PPP2R2C: variants seen among roughly 807,000 people sequenced by gnomAD.
PPP2R2C encodes the protein protein phosphatase 2 regulatory subunit Bgamma, also known as protein phosphatase 2, regulatory subunit B, gamma.
In PPP2R2C, 10 loss-of-function variants were observed where a neutral mutation model predicts 45.3. The ratio of observed to expected loss-of-function variants is 0.22; its 90% CI spans 0.14 to 0.37. The LOEUF is 0.37. Ranked by LOEUF, PPP2R2C falls within the 10% of genes least tolerant of loss-of-function variation. The pLI, the probability that PPP2R2C is intolerant of heterozygous loss-of-function variation, is 1.00. For synonymous variants in PPP2R2C, 257 were observed against 245.4 expected (o/e 1.05, Z -0.44); for missense variants, 308 against 619.7 (o/e 0.50, Z 5.34).
intron 8 of PPP2R2C, among the ~76,000 whole-genome samples, chr4:6,325,626 C>A (rs1731877245): frequency 2.0e-5 from 3 of 152,184 alleles, no homozygotes; most frequent in Admixed American, 1.3e-4. Context: ...TCCTGATCCT[C>A]CCCCTGTTCG....
intron 1 of PPP2R2C, among the ~76,000 whole-genome samples, chr4:6,393,425 AT>A (rs1266213461): frequency 1.3e-5 from 2 of 152,232 alleles, no homozygotes; most frequent in African/African-American, 4.8e-5. Context: ...AGATCAGTAC[AT>A]CATTCCTTTT....
chr4:6,379,889 A>G (rs1311777806), intron 2 of PPP2R2C: 2 of 152,172 alleles, frequency 1.3e-5, no homozygotes, highest in Non-Finnish European at 2.9e-5. Flanking sequence ...TTCGTGGGCC[A>G]TGCTCAGGAG....
chr4:6,550,230 T>C (rs1014268215), intron 1 of PPP2R2C, among the ~76,000 whole-genome samples: 4 of 152,042 alleles, frequency 2.6e-5, no homozygotes, highest in African/African-American at 9.7e-5. Context: ...CCAAGCTTCC[T>C]GTTCCCCTCC....
Position 6,321,417 on chromosome 4 carries a change from T to A in PPP2R2C, c.*1885A>T. ...TTGTTAAATTTAATTAGAATAGATA[T>A]GTACATATAATACTGTCCAGGTCAA... is the stretch of plus-strand genomic sequence containing the variant. On this transcript the variant is annotated 3_prime_UTR_variant, in exon 9 of 9. Transcript: ENST00000382599. The A allele has an allele frequency of 6.5e-6, 1 of 152,698 alleles. No individual in the cohort carries two copies. Among genetic ancestry groups the A allele is most frequent in the Non-Finnish European group, 1.5e-5 (1 of 68,034 alleles). The allele number at this position is 152,698 out of a possible 1,614,324, so 9.5% of individuals were successfully genotyped here. A position where few individuals can be genotyped will look rare whatever the true frequency, so the allele number is the denominator to read the frequency against.
chr4:6,416,014 A>T (rs753340583), intron 1 of PPP2R2C, among the ~76,000 whole-genome samples: 1 of 152,174 alleles, frequency 6.6e-6, no homozygotes, highest in African/African-American at 2.4e-5. Flanking sequence ...CCCAGGACCA[A>T]TTTTTTATCC....
intron 1 of PPP2R2C, chr4:6,383,857 AGTCTG>A: frequency 1.0e-6 from 1 of 994,234 alleles, no homozygotes; most frequent in Non-Finnish European, 1.2e-6. Context: ...TTCTTTTTCC[AGTCTG>A]GGCCTTTTAG....
chr4:6,554,730 C>G (rs561913214), intron 1 of PPP2R2C, among the ~76,000 whole-genome samples: 81 of 151,770 alleles, frequency 5.3e-4, no homozygotes, highest in African/African-American at 1.9e-3. Context: ...CCTGGTGGTG[C>G]ACACCTGTAA....
At chr4:6,392,930 T>C (rs563855282) in intron 1 of PPP2R2C, among the ~76,000 whole-genome samples, 1 of 152,230 alleles carries the variant, frequency 6.6e-6, no homozygotes, top group East Asian at 1.9e-4. Context: ...GAAAGGAAGC[T>C]CTCCATCCCA....
chr4:6,554,918 GGAAGGAAGGAAGGAAA>G (rs1165926449), intron 1 of PPP2R2C, among the ~76,000 whole-genome samples: 10 of 91,090 alleles, frequency 1.1e-4, no homozygotes, highest in African/African-American at 4.0e-4. Flanking sequence ...AAGGAAGGAA[GGAAGGAAGGAAGGAAA>G]GAAAGAAAGA....
At chr4:6,369,453 C>A (rs1323375262) in intron 5 of PPP2R2C, among the ~76,000 whole-genome samples, 1 of 152,230 alleles carries the variant, frequency 6.6e-6, no homozygotes, top group Non-Finnish European at 1.5e-5. Context: ...AAGAAAATTA[C>A]TTCGGCAAAA....
chr4:6,364,347 G>A lies in PPP2R2C; in HGVS notation c.625+8176C>T, dbSNP rs573052679. On this transcript the variant is annotated intron_variant, in intron 5 of 8. Coordinates refer to ENST00000382599, the MANE Select transcript of PPP2R2C (RefSeq NM_020416.4). This position sits in a 1 kb window ranked among gnomAD's most constrained non-coding sequence, Gnocchi z 5.3. ...ACGCTGAGCCCAGGGAGCAAAGGGA[G>A]AGAGGAGGAAGTGGGCCAGGGAGGG... Among the ~76,000 whole-genome samples, 4 of 152,356 alleles carry A rather than the reference G, an allele frequency of 2.6e-5. No individual in the cohort carries two copies. In the East Asian group the frequency reaches 7.7e-4, roughly 29 times the overall value.
At chr4:6,521,405 C>A (rs1724022245) in intron 2 of PPP2R2C, among the ~76,000 whole-genome samples, 1 of 152,312 alleles carries the variant, frequency 6.6e-6, no homozygotes, top group Non-Finnish European at 1.5e-5. Flanking sequence ...CATGATCTAG[C>A]CAGAAAGCGG....
chr4:6,361,073 C>T (rs1046761635), intron 5 of PPP2R2C, among the ~76,000 whole-genome samples: 8 of 152,198 alleles, frequency 5.3e-5, no homozygotes, highest in African/African-American at 1.9e-4. Flanking sequence ...TTCTGAGGTT[C>T]TGGGAGTTAG....
Position 6,420,725 on chromosome 4 carries a change from G to A in PPP2R2C, c.71-39631C>T, listed in dbSNP as rs181025033. On this transcript the variant is annotated intron_variant, in intron 1 of 8. Transcript: ENST00000382599. ...ACAGAGCAAAAATGGAAAAGCTGAT[G>A]CCCAGTAAGAGGACTGGTTAAACAT... Among the ~76,000 whole-genome samples, 6 of 152,282 alleles carry A rather than the reference G, an allele frequency of 3.9e-5. No individual in the cohort carries two copies. The East Asian group carries it at 1.2e-3, about 29-fold the overall frequency.
intron 6 of PPP2R2C, among the ~76,000 whole-genome samples, chr4:6,346,426 G>A (rs538960634): frequency 1.2e-4 from 19 of 152,178 alleles, no homozygotes; most frequent in Non-Finnish European, 5.9e-5. Context: ...CTTCAGGGAG[G>A]CCCTCCCTGA....
chr4:6,359,062 G>A (rs949017115), intron 5 of PPP2R2C, among the ~76,000 whole-genome samples: 83 of 152,242 alleles, frequency 5.5e-4, no homozygotes, highest in African/African-American at 1.4e-3. Context: ...TTATTGCGGC[G>A]CTATTCACAA....
chr4:6,346,627 A>C (rs1466503596), intron 6 of PPP2R2C, among the ~76,000 whole-genome samples: 1 of 152,166 alleles, frequency 6.6e-6, no homozygotes, highest in East Asian at 1.9e-4. Flanking sequence ...TGACACACGG[A>C]GCGTGGACAA....
chr4:6,369,587 C>T (rs1324997264), intron 5 of PPP2R2C, among the ~76,000 whole-genome samples: 2 of 152,190 alleles, frequency 1.3e-5, no homozygotes, highest in Admixed American at 1.3e-4. Flanking sequence ...ATTCGGGGCC[C>T]CTACCCCAAG....
chr4:6,409,009 T>C (rs754228820), intron 1 of PPP2R2C, among the ~76,000 whole-genome samples: 2 of 151,876 alleles, frequency 1.3e-5, no homozygotes, highest in African/African-American at 2.4e-5. Context: ...ACTGTGGAGA[T>C]GTAGGCAAAC....
Sources: allele counts gnomAD v4.1 joint callset (sites outside exome capture counted in the v4.1 genomes callset), GRCh38; gene constraint gnomAD v4.1.1; non-coding constraint Gnocchi (gnomAD v3.1); transcripts MANE v1.5; gene names NCBI Gene and HGNC (gene_info 2026-07-23, HGNC 2026-07-21).